Variants in PLEKHA4 observed in about 807,000 individuals in gnomAD.
The protein encoded by PLEKHA4 is pleckstrin homology domain containing A4.
A neutral mutation model predicts 94.7 loss-of-function variants in PLEKHA4; 73 were observed. That is an observed-to-expected ratio of 0.77 (90% CI 0.64 to 0.94). PLEKHA4 has a LOEUF of 0.94. PLEKHA4 is among the 40% of genes least tolerant of loss of function. The pLI is 0.00. For synonymous variants in PLEKHA4, 449 were observed against 437.1 expected, an observed-to-expected ratio of 1.03 and a Z score of -0.34; for missense variants, 1,049 against 1,054.1, an observed-to-expected ratio of 1.00 and a Z score of 0.07.
chr19:48,844,496 C>A (rs988342073), intron 16 of PLEKHA4: 69 of 985,284 alleles, frequency 7.0e-5, no homozygotes, highest in East Asian at 1.1e-4. Context: ...GTAATCCCAA[C>A]AGGTACCCCA....
At chr19:48,860,874 AAAAGG>A (rs780211179) in intron 5 of PLEKHA4, among the ~76,000 whole-genome samples, 40 of 149,296 alleles carry the variant, frequency 2.7e-4, no homozygotes, top group Middle Eastern at 3.4e-3. Context: ...AAGGAAAGGA[AAAAGG>A]AAAGGAAAGG....
At position 48,859,619 on chromosome 19, in the gene PLEKHA4, G is replaced by T; in HGVS notation, c.542C>A (p.Pro181Gln). 2 of 1,612,966 alleles carry T rather than the reference G, an allele frequency of 1.2e-6. No homozygotes were observed. Among genetic ancestry groups the T allele is most frequent in the Non-Finnish European group, 8.5e-7 (1 of 1,179,944 alleles). ...GEGPGGPGGP[P>Q]EVSRGEEGRI... ...CCCCTCTTCCCCTCTGCTCACCTCC[G>T]GGGGACCACCGGGGCCGCCGGGGCC... Residue 181 changes from proline to glutamine, a missense_variant, in exon 7 of 20, where the codon CCG (proline) becomes CAG (glutamine). Transcript: ENST00000263265.
rs1599865913 is a variant in PLEKHA4, at chr19:48,841,309, G to A, written c.1745C>T (p.Ala582Val). Residue 582 changes from alanine (A) to valine (V), a missense_variant and splice_region_variant, in exon 17 of 20, where the codon GCC becomes GTC. By Grantham distance (64) the Ala-to-Val change is moderately conservative. Transcript: ENST00000263265. ...HLPSPQLGTK[A>V]PVARPRMSAQ... ...ACTCATCCGGGGCCGGGCCACCGGG[G>A]CCTAGGGAGGCGAGAAACGTCCCAA... 6.2e-7 allele frequency: 1 copy of A among 1,604,074 alleles called. No homozygotes were observed. The highest frequency in any genetic ancestry group is 8.5e-7 in the Non-Finnish European group (1 of 1,175,454).
Position 48,837,941 on chromosome 19 carries a change from C to A in PLEKHA4, c.2077+76G>T, listed in dbSNP as rs1482031829. On this transcript the variant is annotated intron_variant, in intron 19 of 19. Transcript: ENST00000263265. The surrounding 1 kb of genome is among the most constrained non-coding windows in gnomAD (Gnocchi z 4.3). ...TCTCACCGGCCCCCAGACCCCTCCTCTCCAGGACCTGGGATTCCAGGTCTC... is the reference window on the plus strand; with the variant it reads ...TCTCACCGGCCCCCAGACCCCTCCTATCCAGGACCTGGGATTCCAGGTCTC... 3 of 1,266,706 alleles carry A rather than the reference C, an allele frequency of 2.4e-6. No individual in the cohort carries two copies. The African/African-American group carries it at 4.5e-5, about 19-fold the overall frequency. The allele number at this position is 1,266,706 out of a possible 1,614,324, so 78.5% of individuals were successfully genotyped here. A position where few individuals can be genotyped will look rare whatever the true frequency, so the allele number is the denominator to read the frequency against.
rs543142603 is a variant in PLEKHA4 at position 48,852,686 on chromosome 19, T to C, written c.1327-360A>G. 2.6e-5 allele frequency among the ~76,000 whole-genome samples: 4 copies of C among 151,908 alleles called. No homozygotes were observed. In the South Asian group the frequency reaches 8.3e-4, roughly 32 times the overall value. On this transcript the variant is annotated intron_variant, in intron 12 of 19. Transcript: ENST00000263265. ...GGTGGTTCAGGCCTTTAATCCCAGCTATTTGGGAGGCCAAGGCGGGCGGAT... is the reference window on the plus strand; with the variant it reads ...GGTGGTTCAGGCCTTTAATCCCAGCCATTTGGGAGGCCAAGGCGGGCGGAT...
intron 17 of PLEKHA4, 108 bp from the exon 18 acceptor site, chr19:48,839,371 C>T (rs1410517040): frequency 3.4e-5 from 21 of 626,294 alleles, no homozygotes; most frequent in Middle Eastern, 3.3e-4. Context: ...CCCAAAAACA[C>T]TGGCAATGTT....
chr19:48,866,233 C>T (rs2036831146), intron 2 of PLEKHA4, among the ~76,000 whole-genome samples: 1 of 151,906 alleles, frequency 6.6e-6, no homozygotes, highest in Non-Finnish European at 1.5e-5. Flanking sequence ...GCATGTCCCA[C>T]CATGCCCAGC....
At chr19:48,861,793 T>C (rs2036652112) in intron 3 of PLEKHA4, 101 bp from the exon 4 acceptor site, 6 of 1,078,060 alleles carry the variant, frequency 5.6e-6, no homozygotes, top group African/African-American at 1.6e-5. Context: ...AGAAAGAAAC[T>C]TGGAGAGAGG....
chr19:48,867,584 C>T lies in PLEKHA4; in HGVS notation c.37G>A (p.Ala13Thr). The part of the protein sequence containing the change: ...GSRPRSSLSL[A>T]SSASTISSLS... The stretch of plus-strand genomic sequence containing the variant: ...GAGGAGATGGTGGAGGCGCTGCTGG[C>T]CAGGCTCAGGCTGCTGCGAGGTCGG... Residue 13 changes from alanine to threonine, a missense_variant, in exon 2 of 20, where the codon GCC becomes ACC. Ala to Thr is a moderately conservative substitution (Grantham distance 58, BLOSUM62 0). Transcript: ENST00000263265. This position sits in a 1 kb window ranked among gnomAD's most constrained non-coding sequence, Gnocchi z 4.7. 6.2e-7 allele frequency: 1 copy of T among 1,602,764 alleles called. No individual in the cohort carries two copies. The highest frequency in any genetic ancestry group is 8.5e-7 in the Non-Finnish European group (1 of 1,176,770).
chr19:48,839,299 G>A, intron 17 of PLEKHA4, 36 bp from the exon 18 acceptor site: 2 of 1,452,132 alleles, frequency 1.4e-6, no homozygotes, highest in Non-Finnish European at 9.4e-7. Context: ...CTCCTCACCT[G>A]GAAGCCCCAC....
chr19:48,852,737 AC>A (rs980625064), intron 12 of PLEKHA4, among the ~76,000 whole-genome samples: 14 of 152,044 alleles, frequency 9.2e-5, no homozygotes, highest in African/African-American at 3.1e-4. Context: ...GTTCGAGACC[AC>A]CCTGGCCAAC....
intron 14 of PLEKHA4, 106 bp downstream of exon 14, chr19:48,847,794 G>T: frequency 1.5e-6 from 2 of 1,315,310 alleles, no homozygotes; most frequent in Non-Finnish European, 1.0e-6. Flanking sequence ...TGTACCAGGT[G>T]GGTTAGCTGA....
Position 48,837,175 on chromosome 19 carries a change from G to A in PLEKHA4, c.*114C>T, listed in dbSNP as rs560487909. 4.1e-6 allele frequency: 6 copies of A among 1,475,640 alleles called. No individual in the cohort carries two copies. Among genetic ancestry groups the A allele is most frequent in the Non-Finnish European group, 4.7e-6 (5 of 1,067,738 alleles). 91.4% of individuals were successfully genotyped at this position (1,475,640 alleles called of 1,614,324 possible). On this transcript the variant is annotated 3_prime_UTR_variant, in exon 20 of 20. Coordinates refer to ENST00000263265, the MANE Select transcript of PLEKHA4 (RefSeq NM_020904.3). This position sits in a 1 kb window ranked among gnomAD's most constrained non-coding sequence, Gnocchi z 4.3. Reference sequence around the variant, plus strand: ...TGGCCATAGAAACCATTCCCCTCCCGGGCCCGCAATGGGGACCAGACCACG... The same window carrying A: ...TGGCCATAGAAACCATTCCCCTCCCAGGCCCGCAATGGGGACCAGACCACG...
At chr19:48,842,147 T>A (rs375843434) in intron 16 of PLEKHA4, among the ~76,000 whole-genome samples, 8 of 146,080 alleles carry the variant, frequency 5.5e-5, no homozygotes, top group Admixed American at 1.4e-4. Flanking sequence ...TATTTTCTTT[T>A]TTTTTTTTTT....
At chr19:48,852,042 T>A (rs1417380595) in intron 13 of PLEKHA4, among the ~76,000 whole-genome samples, 186 bp downstream of exon 13, 2 of 151,028 alleles carry the variant, frequency 1.3e-5, no homozygotes, top group African/African-American at 2.4e-5. Context: ...TGAGAGAATT[T>A]AAAAAAAAAC....
chr19:48,855,490 G>A (rs2123062886), intron 9 of PLEKHA4, among the ~76,000 whole-genome samples: 2 of 152,126 alleles, frequency 1.3e-5, no homozygotes, highest in East Asian at 3.9e-4. Flanking sequence ...TGTAATCCCA[G>A]CTACTTGGGA....
chr19:48,852,736 C>T (rs915760268), intron 12 of PLEKHA4, among the ~76,000 whole-genome samples: 7 of 152,188 alleles, frequency 4.6e-5, no homozygotes, highest in Non-Finnish European at 8.8e-5. Flanking sequence ...AGTTCGAGAC[C>T]ACCCTGGCCA....
intron 13 of PLEKHA4, among the ~76,000 whole-genome samples, chr19:48,851,659 T>C (rs1453684644): frequency 6.8e-6 from 1 of 147,346 alleles, no homozygotes; most frequent in African/African-American, 2.5e-5. Context: ...TAGCCAACTT[T>C]ACAGCAGAAA....
In PLEKHA4 at chr19:48,859,169, G is replaced by C. The variant is rs769788743; in HGVS notation, c.693-30C>G. The C allele has an allele frequency of 2.0e-6, 3 of 1,485,820 alleles. No individual in the cohort carries two copies. The South Asian group carries it at 3.6e-5, about 18-fold the overall frequency. The allele number at this position is 1,485,820 out of a possible 1,614,324, so 92.0% of individuals were successfully genotyped here. A position where few individuals can be genotyped will look rare whatever the true frequency, so the allele number is the denominator to read the frequency against. On this transcript the variant is annotated intron_variant, in intron 7 of 19. Transcript: ENST00000263265. ...GGGAAGGAGAGAATCGGGGAACTGA[G>C]TCAACTAGAGCCCTCTCCATCCACC...
Sources: gnomAD v4.1 joint callset for allele counts (sites outside exome capture counted in the v4.1 genomes callset) on GRCh38, gnomAD v4.1.1 for gene constraint, Gnocchi (gnomAD v3.1) non-coding constraint, MANE v1.5 for transcripts, NCBI Gene and HGNC (gene_info 2026-07-23, HGNC 2026-07-21) for gene names.